MAGI3: variants seen among roughly 807,000 people sequenced by gnomAD.
MAGI3 encodes the protein membrane-associated guanylate kinase, WW and PDZ domain-containing protein 3.
In MAGI3, 43 loss-of-function variants were observed where a neutral mutation model predicts 121.8. That is an observed-to-expected ratio of 0.35 (90% CI 0.28 to 0.46). MAGI3 has a LOEUF of 0.46. MAGI3 is among the 20% of genes least tolerant of loss of function. MAGI3 has a pLI of 1.00. For synonymous variants in MAGI3, 553 were observed against 639.3 expected (o/e 0.86, Z 2.04); for missense variants, 1,547 against 1,797.3 (o/e 0.86, Z 2.52).
chr1:113,537,881 A>G (rs957230933), intron 1 of MAGI3, among the ~76,000 whole-genome samples: 2 of 152,154 alleles, frequency 1.3e-5, no homozygotes, highest in African/African-American at 4.8e-5. Context: ...TAAATGTGTT[A>G]TTGATTAAAG....
intron 20 of MAGI3, 91 bp from the exon 21 acceptor site, chr1:113,682,806 G>C (rs533646100): frequency 6.9e-7 from 1 of 1,454,982 alleles, no homozygotes; most frequent in Non-Finnish European, 9.0e-7. Flanking sequence ...AAGCAGTTAC[G>C]ACAATTCAAA....
In MAGI3 at chr1:113,683,692, CAAGTA is replaced by C; in HGVS notation, c.4128_4132del (p.Ser1376ArgfsTer4). On this transcript the variant is annotated frameshift_variant, in exon 21 of 21. Coordinates refer to ENST00000307546, the MANE Select transcript of MAGI3 (RefSeq NM_001142782.2). LOFTEE classifies it low-confidence loss of function (END_TRUNC). The stretch of plus-strand genomic sequence containing the variant: ...CCATCCAAAATGACTAATAAGACTA[CAAGTA>C]AAGAAGTATCTGAAAATGAAAAAGG... 1 of 1,602,362 alleles carries C rather than the reference CAAGTA, an allele frequency of 6.2e-7. No individual in the cohort carries two copies. The highest frequency in any genetic ancestry group is 1.1e-5 in the South Asian group (1 of 89,356).
chr1:113,528,677 A>G (rs1267502007), intron 1 of MAGI3, among the ~76,000 whole-genome samples: 3 of 152,170 alleles, frequency 2.0e-5, no homozygotes, highest in Non-Finnish European at 4.4e-5. Context: ...TGCTAATTCT[A>G]TCGTTCCTTG....
Position 113,391,348 on chromosome 1 carries a change from A to G in MAGI3, c.315A>G (p.Pro105=). The G allele has an allele frequency of 1.3e-6, 2 of 1,590,522 alleles. No individual in the cohort carries two copies. The highest frequency in any genetic ancestry group is 1.7e-6 in the Non-Finnish European group (2 of 1,169,496). The part of the protein sequence containing the change: ...REPIRLKTVK[P]GKVINKDLRH... ...CCATCCGTCTCAAGACTGTGAAACC[A>G]GGTACGCCGGCCCTGCGTATCTGTC... The change falls in exon 1 of 21, where the codon CCA becomes CCG. Residue 105 remains proline, a splice_region_variant and synonymous_variant. Coordinates refer to ENST00000307546, the MANE Select transcript of MAGI3 (RefSeq NM_001142782.2). The surrounding 1 kb of genome is among the most constrained non-coding windows in gnomAD (Gnocchi z 4.4).
At chr1:113,447,962 G>T (rs761834670) in intron 1 of MAGI3, among the ~76,000 whole-genome samples, 5 of 152,072 alleles carry the variant, frequency 3.3e-5, no homozygotes, top group Non-Finnish European at 7.4e-5. Flanking sequence ...TTAGCCCCTG[G>T]CAACCACTAA....
intron 7 of MAGI3, among the ~76,000 whole-genome samples, chr1:113,617,135 C>T (rs916724866): frequency 5.9e-5 from 9 of 152,060 alleles, no homozygotes; most frequent in East Asian, 3.9e-4. Context: ...GTGATCCACC[C>T]GCCTCGGCCT....
At chr1:113,461,808 A>G (rs1267533549) in intron 1 of MAGI3, among the ~76,000 whole-genome samples, 1 of 152,188 alleles carries the variant, frequency 6.6e-6, no homozygotes, top group Non-Finnish European at 1.5e-5. Context: ...GGGAGAAAAT[A>G]TTTACAAACT....
chr1:113,490,073 C>G (rs1275926165), intron 1 of MAGI3, among the ~76,000 whole-genome samples: 1 of 151,930 alleles, frequency 6.6e-6, no homozygotes, highest in African/African-American at 2.4e-5. Flanking sequence ...AAGATCATCC[C>G]CAAGATACAT....
At chr1:113,416,024 T>TAATGACACATATTAATTATGTAATG (rs1557743655) in intron 1 of MAGI3, among the ~76,000 whole-genome samples, 2 of 138,128 alleles carry the variant, frequency 1.4e-5, no homozygotes, top group African/African-American at 5.1e-5. Context: ...ATTATGTAAT[T>TAATGACACATATTAATTATGTAATG]AATGACACAT....
At chr1:113,660,480 C>G (rs1421047959) in intron 16 of MAGI3, among the ~76,000 whole-genome samples, 1 of 152,032 alleles carries the variant, frequency 6.6e-6, no homozygotes, top group Non-Finnish European at 1.5e-5. Flanking sequence ...CCTTCCCCCG[C>G]AACCGCAACT....
At chr1:113,544,703 C>T (rs1451088640) in intron 1 of MAGI3, among the ~76,000 whole-genome samples, 1 of 152,140 alleles carries the variant, frequency 6.6e-6, no homozygotes, top group East Asian at 1.9e-4. Flanking sequence ...TCAGAGTGCA[C>T]AAAGAGCTTT....
intron 16 of MAGI3, among the ~76,000 whole-genome samples, chr1:113,668,555 CA>C (rs1194678635): frequency 7.3e-6 from 1 of 137,066 alleles, no homozygotes; most frequent in Non-Finnish European, 1.6e-5. Context: ...AACAAAACAA[CA>C]AAAAACATGT....
chr1:113,427,852 A>G (rs1216434313), intron 1 of MAGI3, among the ~76,000 whole-genome samples: 2 of 152,188 alleles, frequency 1.3e-5, no homozygotes, highest in Non-Finnish European at 2.9e-5. Flanking sequence ...AAATACATGT[A>G]TATAACTATT....
intron 9 of MAGI3, 25 bp downstream of exon 9, chr1:113,623,019 G>T: frequency 6.9e-7 from 1 of 1,457,908 alleles, no homozygotes; most frequent in South Asian, 1.6e-5. Context: ...ATAATTATTT[G>T]AAGAGTAGTG....
chr1:113,612,402 A>G (rs1650211707), intron 6 of MAGI3, among the ~76,000 whole-genome samples: 1 of 152,184 alleles, frequency 6.6e-6, no homozygotes, highest in African/African-American at 2.4e-5. Context: ...GAAGTCAAGA[A>G]CTGGGTTATA....
intron 1 of MAGI3, among the ~76,000 whole-genome samples, chr1:113,485,995 G>C (rs1426256448): frequency 6.6e-6 from 1 of 151,976 alleles, no homozygotes; most frequent in Non-Finnish European, 1.5e-5. Context: ...TTTATTTCTG[G>C]GTTCTCTATT....
chr1:113,504,842 G>A (rs4839321), intron 1 of MAGI3, among the ~76,000 whole-genome samples: 144,191 of 152,194 alleles, frequency 0.95, 68,343 homozygotes, highest in East Asian at 0.99. Flanking sequence ...AGTATATTGC[G>A]GCACAGATCA....
chr1:113,638,519 C>G (rs1652203209), intron 9 of MAGI3, among the ~76,000 whole-genome samples: 1 of 152,246 alleles, frequency 6.6e-6, no homozygotes, highest in Non-Finnish European at 1.5e-5. Flanking sequence ...TGCCCGGGTA[C>G]CAGCAGCGGT....
chr1:113,398,171 A>G (rs1343079982), intron 1 of MAGI3, among the ~76,000 whole-genome samples: 3 of 152,194 alleles, frequency 2.0e-5, no homozygotes, highest in Admixed American at 6.5e-5. Context: ...TTTGAGGACC[A>G]TAATTTGACT....
Sources: gnomAD v4.1 joint callset for allele counts (sites outside exome capture counted in the v4.1 genomes callset) on GRCh38, gnomAD v4.1.1 for gene constraint, Gnocchi (gnomAD v3.1) non-coding constraint, MANE v1.5 for transcripts, NCBI Gene and HGNC (gene_info 2026-07-23, HGNC 2026-07-21) for gene names.